Variants in LEF1 observed in about 807,000 individuals in gnomAD.
LEF1 encodes lymphoid enhancer-binding factor 1.
In LEF1, 14 loss-of-function variants were observed where a neutral mutation model predicts 51.2. That is an observed-to-expected ratio of 0.27 (90% confidence interval 0.18 to 0.43). LEF1 has a LOEUF of 0.43. LEF1 is among the 20% of genes least tolerant of loss of function. The probability of loss-of-function intolerance (pLI) is 1.00; values close to 1 mark genes in which losing one functional copy is unlikely to be tolerated. For synonymous variants in LEF1, 185 were observed against 183.2 expected, an observed-to-expected ratio of 1.01 and a Z score of -0.08; for missense variants, 386 against 512.0, an observed-to-expected ratio of 0.75 and a Z score of 2.37.
intron 8 of LEF1, among the ~76,000 whole-genome samples, chr4:108,077,536 G>A (rs13143124): frequency 1.8e-4 from 2 of 10,918 alleles, no homozygotes; most frequent in African/African-American, 3.7e-4. Context: ...CTGCCGCCCC[G>A]TCTGGGAAGT....
chr4:108,063,023 T>C lies in LEF1; in HGVS notation c.*6+600A>G, dbSNP rs991658119. Among the ~76,000 whole-genome samples the C allele has an allele frequency of 2.6e-5, 4 of 152,260 alleles. No homozygotes were observed. The East Asian group carries it at 7.7e-4, about 29-fold the overall frequency. On this transcript the variant is annotated intron_variant, in intron 11 of 11. Coordinates refer to ENST00000265165, the MANE Select transcript of LEF1 (RefSeq NM_016269.5). ...TAAAATAAATATTACTTATAAATAC[T>C]AGAGCAAAATCTAGCAATAGTTACC...
At chr4:108,059,979 C>A (rs1737565877) in intron 11 of LEF1, among the ~76,000 whole-genome samples, 1 of 152,166 alleles carries the variant, frequency 6.6e-6, no homozygotes, top group Non-Finnish European at 1.5e-5. Flanking sequence ...GCTACCATAC[C>A]CAGCCTGGAG....
intron 3 of LEF1, among the ~76,000 whole-genome samples, chr4:108,113,417 T>C (rs1229164198): frequency 1.3e-5 from 2 of 151,996 alleles, no homozygotes; most frequent in Admixed American, 1.3e-4. Context: ...TTTTGACAAG[T>C]CCTGAAACAA....
intron 11 of LEF1, among the ~76,000 whole-genome samples, chr4:108,058,710 T>G (rs547776730): frequency 6.6e-6 from 1 of 152,348 alleles, no homozygotes; most frequent in South Asian, 2.1e-4. Flanking sequence ...TAAAACATAC[T>G]CTTTTATAAC....
intron 3 of LEF1, among the ~76,000 whole-genome samples, chr4:108,104,451 TATTATATATAA>T (rs1364334703): frequency 2.7e-5 from 4 of 146,770 alleles, no homozygotes; most frequent in African/African-American, 7.5e-5. Context: ...ATACAATAAA[TATTATATATAA>T]ATTATATATA....
chr4:108,122,794 T>C (rs1742261243), intron 3 of LEF1, among the ~76,000 whole-genome samples: 1 of 152,190 alleles, frequency 6.6e-6, no homozygotes, highest in South Asian at 2.1e-4. Context: ...CCAATAATTC[T>C]ATTTTCTAAA....
chr4:108,098,804 A>C (rs1740556319), intron 3 of LEF1, among the ~76,000 whole-genome samples: 1 of 152,244 alleles, frequency 6.6e-6, no homozygotes, highest in Non-Finnish European at 1.5e-5. Context: ...AAAATACAAC[A>C]AGTTACTTGG....
chr4:108,067,532 CTTT>C (rs777318718), intron 9 of LEF1, among the ~76,000 whole-genome samples: 8 of 139,256 alleles, frequency 5.7e-5, no homozygotes, highest in Admixed American at 1.4e-4. Context: ...TTAGAAGATC[CTTT>C]TTTTTTTTTT....
At position 108,096,321 on chromosome 4, in the gene LEF1, G is replaced by T. The variant is rs1185562688; in HGVS notation, c.415-7064C>A. ...CAGCTGCCTGCCTGGACCACTAGCT[G>T]TAGTGGTGCAAGGATTCTATGGGGT... On this transcript the variant is annotated intron_variant, in intron 3 of 11. Coordinates refer to ENST00000265165, the MANE Select transcript of LEF1 (RefSeq NM_016269.5). Among the ~76,000 whole-genome samples the T allele has an allele frequency of 2.6e-5, 4 of 152,200 alleles. No homozygotes were observed. In the East Asian group the frequency reaches 7.7e-4, roughly 29 times the overall value.
At chr4:108,068,181 C>T (rs1185817483) in intron 9 of LEF1, among the ~76,000 whole-genome samples, 7 of 151,954 alleles carry the variant, frequency 4.6e-5, no homozygotes, top group Non-Finnish European at 1.0e-4. Flanking sequence ...GCTGGAGAAT[C>T]GCTTAAACCT....
intron 3 of LEF1, among the ~76,000 whole-genome samples, chr4:108,109,539 G>C (rs781254670): frequency 1.3e-5 from 2 of 152,148 alleles, no homozygotes; most frequent in Non-Finnish European, 2.9e-5. Flanking sequence ...TTGAAGGACT[G>C]TATGAGCAGG....
At chr4:108,109,651 C>T (rs982388051) in intron 3 of LEF1, among the ~76,000 whole-genome samples, 3 of 152,074 alleles carry the variant, frequency 2.0e-5, no homozygotes, top group Admixed American at 6.6e-5. Context: ...GAATGGTGAC[C>T]AATAGGCACT....
In LEF1 at chr4:108,167,520, C is replaced by T. The variant is rs1450000086; in HGVS notation, c.213+35G>A. ...CTCTCTGAGTTTCCCAGGGACCCGC[C>T]ACGCCTCTCGGAACTGGGGCAGCGG... On this transcript the variant is annotated intron_variant, in intron 1 of 11. Transcript: ENST00000265165. The surrounding 1 kb of genome is among the most constrained non-coding windows in gnomAD (Gnocchi z 5.7). 1 of 1,607,378 alleles carries T rather than the reference C, an allele frequency of 6.2e-7. No individual in the cohort carries two copies.
At position 108,048,472 on chromosome 4, in the gene LEF1, G is replaced by C; in HGVS notation, c.*286C>G. On this transcript the variant is annotated 3_prime_UTR_variant, in exon 12 of 12. Coordinates refer to ENST00000265165, the MANE Select transcript of LEF1 (RefSeq NM_016269.5). ...TGCTCAGCTGCCCCACAGCCTGCTA[G>C]CATTCTCATGTGCTTTTACATTTCC... is the stretch of plus-strand genomic sequence containing the variant. 1 of 389,326 alleles carries C rather than the reference G, an allele frequency of 2.6e-6. No individual in the cohort carries two copies. The highest frequency in any genetic ancestry group is 4.6e-6 in the Non-Finnish European group (1 of 218,082). The allele number at this position is 389,326 out of a possible 1,614,324, so 24.1% of individuals were successfully genotyped here. A position where few individuals can be genotyped will look rare whatever the true frequency, so the allele number is the denominator to read the frequency against.
chr4:108,125,098 G>A (rs1319083659), intron 3 of LEF1, among the ~76,000 whole-genome samples: 1 of 152,102 alleles, frequency 6.6e-6, no homozygotes, highest in Admixed American at 6.5e-5. Context: ...TGAACTTACT[G>A]GTATTCACTG....
rs55957344 is a variant in LEF1 at position 108,077,415 on chromosome 4, C to A, written c.1008+805G>T. Among the ~76,000 whole-genome samples the A allele has an allele frequency of 2.3e-4, 34 of 147,410 alleles. 1 individual carries two copies. Among genetic ancestry groups the A allele is most frequent in the East Asian group, 1.4e-3 (7 of 4,828 alleles). ...GGGCACCTCTGCCCGGCTGCCGCCC[C>A]GTCTGGGAAGTGAGGGGCACCTCTG... On this transcript the variant is annotated intron_variant, in intron 8 of 11. Transcript: ENST00000265165.
At chr4:108,143,667 G>C (rs1373418645) in intron 3 of LEF1, among the ~76,000 whole-genome samples, 1 of 151,974 alleles carries the variant, frequency 6.6e-6, no homozygotes. Flanking sequence ...CCCTGCCCCC[G>C]CCTTCTTCAA....
rs544281498 is a variant in LEF1, at chr4:108,164,980, T to C, written c.280+117A>G. ...TGCGTTTTCTTTACCATTAAAATAGTGGGCATAGTCTGACCTAGTCCCAGT... is the reference window on the plus strand; with the variant it reads ...TGCGTTTTCTTTACCATTAAAATAGCGGGCATAGTCTGACCTAGTCCCAGT... On this transcript the variant is annotated intron_variant, in intron 2 of 11. Coordinates refer to ENST00000265165, the MANE Select transcript of LEF1 (RefSeq NM_016269.5). The C allele has an allele frequency of 3.3e-5, 25 of 747,494 alleles. 1 individual carries two copies. The South Asian group carries it at 4.2e-4, about 13-fold the overall frequency. 46.3% of individuals were successfully genotyped at this position (747,494 alleles called of 1,614,324 possible).
At chr4:108,049,546 C>G (rs150504014) in intron 11 of LEF1, among the ~76,000 whole-genome samples, 1 of 152,326 alleles carries the variant, frequency 6.6e-6, no homozygotes, top group African/African-American at 2.4e-5. Context: ...AAGTTCCGTT[C>G]CTTCACTCCA....
Sources: allele counts gnomAD v4.1 joint callset (sites outside exome capture counted in the v4.1 genomes callset), GRCh38; gene constraint gnomAD v4.1.1; non-coding constraint Gnocchi (gnomAD v3.1); transcripts MANE v1.5; gene names NCBI Gene and HGNC (gene_info 2026-07-23, HGNC 2026-07-21).